The following CHAT variants were observed in gnomAD, a reference collection of about 807,000 sequenced individuals.
The protein encoded by CHAT is acetyl CoA:choline O-acetyltransferase.
Under a neutral mutation model 76.9 loss-of-function variants are expected in CHAT, and 61 were observed. The ratio of observed to expected loss-of-function variants is 0.79; its 90% CI spans 0.65 to 0.98. The LOEUF (loss-of-function observed/expected upper bound fraction) is 0.98, where lower values mean the gene tolerates loss of function less well. Ranked by LOEUF, CHAT falls within the 50% of genes least tolerant of loss-of-function variation. CHAT has a pLI of 0.00. For missense variants in CHAT, 946 were observed against 986.9 expected (o/e 0.96, Z 0.56); for synonymous variants, 407 against 397.4 (o/e 1.02, Z -0.29).
intron 4 of CHAT, among the ~76,000 whole-genome samples, chr10:49,621,092 C>T (rs186781905): frequency 6.6e-5 from 10 of 152,354 alleles, no homozygotes; most frequent in Non-Finnish European, 2.9e-5. Context: ...TTTCAGAGCT[C>T]ACTGAGCCGT....
intron 9 of CHAT, among the ~76,000 whole-genome samples, 184 bp from the exon 10 acceptor site, chr10:49,649,321 AATG>A (rs1839787022): frequency 6.6e-6 from 1 of 152,152 alleles, no homozygotes; most frequent in African/African-American, 2.4e-5. Context: ...CCTGCCACTT[AATG>A]ATTTTGGTGG....
At chr10:49,626,661 C>T (rs1838932867) in intron 6 of CHAT, among the ~76,000 whole-genome samples, 1 of 152,204 alleles carries the variant, frequency 6.6e-6, no homozygotes, top group South Asian at 2.1e-4. Context: ...CACAGGCCAC[C>T]GTATCCACCT....
intron 14 of CHAT, among the ~76,000 whole-genome samples, chr10:49,663,093 G>A (rs1840248441): frequency 1.3e-5 from 2 of 152,110 alleles, no homozygotes; most frequent in Admixed American, 1.3e-4. Flanking sequence ...AGCTGGGCAT[G>A]GTGGTGCGTG....
rs1839726899 is a variant in CHAT, at chr10:49,647,793, TTCC to T, written c.1282-712_1282-710del. The T allele has an allele frequency of 5.8e-5, 3 of 51,684 alleles. No individual in the cohort carries two copies. The South Asian group carries it at 2.0e-3, about 34-fold the overall frequency. The allele number at this position is 51,684 out of a possible 1,614,324, so 3.2% of individuals were successfully genotyped here. A position where few individuals can be genotyped will look rare whatever the true frequency, so the allele number is the denominator to read the frequency against. On this transcript the variant is annotated intron_variant, in intron 8 of 14. Coordinates refer to ENST00000337653, the MANE Select transcript of CHAT (RefSeq NM_020549.5). ...CTTCCTTCCTTCCTTCCTTCCTTCC[TTCC>T]TTCCTTCCTTCCTTTTAGTGACAGG...
rs539380812 is a variant in CHAT, at chr10:49,622,783, A to C, written c.752+633A>C. On this transcript the variant is annotated intron_variant, in intron 5 of 14. Coordinates refer to ENST00000337653, the MANE Select transcript of CHAT (RefSeq NM_020549.5). The stretch of plus-strand genomic sequence containing the variant: ...AGGAGAGAGAGAGGCCCAAAGAAGC[A>C]TCCCTTGCACAGATGAGGAAGCTGC... Among the ~76,000 whole-genome samples, 13 of 152,334 alleles carry C rather than the reference A, an allele frequency of 8.5e-5. No individual in the cohort carries two copies. In the South Asian group the frequency reaches 2.7e-3, roughly 32 times the overall value.
chr10:49,635,006 A>C (rs1278436107), intron 7 of CHAT, among the ~76,000 whole-genome samples: 1 of 152,234 alleles, frequency 6.6e-6, no homozygotes, highest in Non-Finnish European at 1.5e-5. Context: ...CACAACCAGG[A>C]TACTGACATT....
At chr10:49,609,224 G>T (rs1021263227), upstream of CHAT, 1 of 152,280 alleles carries the variant, frequency 6.6e-6, no homozygotes, top group Non-Finnish European at 1.5e-5. Flanking sequence ...AGCCCCTGAC[G>T]ACAGCGAAGC....
At chr10:49,621,379 G>A (rs536941697) in intron 4 of CHAT, among the ~76,000 whole-genome samples, 157 of 152,310 alleles carry the variant, frequency 1.0e-3, no homozygotes, top group African/African-American at 3.6e-3. Context: ...AGGGAAGAAG[G>A]AAGGTGTGGA....
At chr10:49,642,689 G>A (rs544354802) in intron 7 of CHAT, among the ~76,000 whole-genome samples, 1 of 152,394 alleles carries the variant, frequency 6.6e-6, no homozygotes, top group African/African-American at 2.4e-5. Flanking sequence ...CTCAGGAGCT[G>A]CAGTCTGCCC....
rs1445876590 is a variant in CHAT, at chr10:49,619,782, T to C, written c.445T>C (p.Cys149Arg). 1 of 1,614,010 alleles carries C rather than the reference T, an allele frequency of 6.2e-7. No individual in the cohort carries two copies. Among genetic ancestry groups the C allele is most frequent in the East Asian group, 2.2e-5 (1 of 44,876 alleles). Reference sequence around the variant, plus strand: ...GCAGACCCTGGCCACGTACCTGCAGTGCATGCGACACTTGGTGTCTGAGGA... The same window carrying C: ...GCAGACCCTGGCCACGTACCTGCAGCGCATGCGACACTTGGTGTCTGAGGA... ...LQQTLATYLQ[C>R]MRHLVSEEQF... is the part of the protein sequence containing the mutation. Residue 149 changes from cysteine (C) to arginine (R), a missense_variant, in exon 3 of 15, where the codon TGC becomes CGC. Cys to Arg is a radical substitution (Grantham distance 180). Around this residue, in one of 3 missense-constraint regions of CHAT, gnomAD observed 548 missense variants for 516.2 expected, o/e 1.06. Transcript: ENST00000337653.
At chr10:49,610,085 G>C (rs960676602), upstream of CHAT, among the ~76,000 whole-genome samples, 1 of 151,860 alleles carries the variant, frequency 6.6e-6, no homozygotes, top group Admixed American at 6.6e-5. Context: ...CCATCCCAGG[G>C]GCTGGTTCAA....
chr10:49,625,284 G>A (rs1284604936), intron 5 of CHAT, among the ~76,000 whole-genome samples, 189 bp from the exon 6 acceptor site: 4 of 152,208 alleles, frequency 2.6e-5, no homozygotes, highest in Admixed American at 1.3e-4. Context: ...GGGTCTCCAC[G>A]TGTTGTGGAA....
At position 49,616,495 on chromosome 10, in the gene CHAT, T is replaced by C; in HGVS notation, c.287-7T>C. 7 of 1,607,150 alleles carry C rather than the reference T, an allele frequency of 4.4e-6. No homozygotes were observed. The highest frequency in any genetic ancestry group is 1.1e-5 in the South Asian group (1 of 90,006). On this transcript the variant is annotated splice_region_variant and splice_polypyrimidine_tract_variant and intron_variant, in intron 1 of 14. Transcript: ENST00000337653. ...TGTGTTGATGCTTCCCACTTCTTGGTCCCCAGGTCCACACCTCTGCATCCC... is the reference window on the plus strand; with the variant it reads ...TGTGTTGATGCTTCCCACTTCTTGGCCCCCAGGTCCACACCTCTGCATCCC...
chr10:49,624,992 T>G (rs1838865380), intron 5 of CHAT, among the ~76,000 whole-genome samples: 1 of 151,598 alleles, frequency 6.6e-6, no homozygotes, highest in African/African-American at 2.4e-5. Context: ...GATGGGTGGA[T>G]GGATGGAAGA....
rs549037114 is a variant in CHAT, at chr10:49,657,743, T to C, written c.1839+2295T>C. 3.9e-5 allele frequency among the ~76,000 whole-genome samples: 6 copies of C among 152,250 alleles called. No homozygotes were observed. The East Asian group carries it at 1.2e-3, about 29-fold the overall frequency. ...AACCATCCCTCACCAAGCAGGAGAT[T>C]AGAAGATTTCTCTGTGGTAAAATTG... On this transcript the variant is annotated intron_variant, in intron 13 of 14. Coordinates refer to ENST00000337653, the MANE Select transcript of CHAT (RefSeq NM_020549.5).
chr10:49,625,488 T>C lies in CHAT; in HGVS notation c.768T>C (p.Thr256=). The C allele has an allele frequency of 1.2e-6, 2 of 1,612,590 alleles. No individual in the cohort carries two copies. The highest frequency in any genetic ancestry group is 1.7e-6 in the Non-Finnish European group (2 of 1,180,002). ...KALLDSHSIP[T]DCAKGQLSGQ... Reference sequence around the variant, plus strand: ...TCTCCTTCAGCCACTCCATTCCCACTGACTGTGCCAAAGGCCAGCTGTCAG... The same window carrying C: ...TCTCCTTCAGCCACTCCATTCCCACCGACTGTGCCAAAGGCCAGCTGTCAG... Residue 256 remains threonine (T), a synonymous_variant, in exon 6 of 15, where the codon ACT becomes ACC. Coordinates refer to ENST00000337653, the MANE Select transcript of CHAT (RefSeq NM_020549.5).
chr10:49,649,857 C>T (rs991700971), intron 10 of CHAT, among the ~76,000 whole-genome samples: 3 of 144,672 alleles, frequency 2.1e-5, no homozygotes, highest in South Asian at 2.2e-4. Flanking sequence ...AAAATGCAAA[C>T]GCAGGGCTAT....
At chr10:49,643,865 C>T (rs34210537) in intron 7 of CHAT, among the ~76,000 whole-genome samples, 1 of 152,172 alleles carries the variant, frequency 6.6e-6, no homozygotes, top group African/African-American at 2.4e-5. Flanking sequence ...GAGGCCCAGG[C>T]CCCACCCTCA....
At chr10:49,610,565 G>T, upstream of CHAT, 1 of 564,332 alleles carries the variant, frequency 1.8e-6, no homozygotes, top group Non-Finnish European at 2.9e-6. Flanking sequence ...CTCGCCGGAC[G>T]GAGTCCTTTC....
Sources: gnomAD v4.1 joint callset for allele counts (sites outside exome capture counted in the v4.1 genomes callset) on GRCh38, gnomAD v4.1.1 for gene constraint, gnomAD v4.1.1 regional missense constraint, MANE v1.5 for transcripts, NCBI Gene and HGNC (gene_info 2026-07-23, HGNC 2026-07-21) for gene names.